MICAL2: variants seen among roughly 807,000 people sequenced by gnomAD.
MICAL2 encodes [F-actin]-monooxygenase MICAL2.
MICAL2 carries 77 observed loss-of-function variants against 127.3 expected under a neutral mutation model. The observed-to-expected ratio is 0.60, with a 90% CI of 0.50 to 0.73. MICAL2 has a LOEUF of 0.73. Ranked by LOEUF, MICAL2 falls within the 30% of genes least tolerant of loss-of-function variation. The pLI, the probability that MICAL2 is intolerant of heterozygous loss-of-function variation, is 0.00. For synonymous variants in MICAL2, 570 were observed against 551.1 expected (o/e 1.03, Z -0.48); for missense variants, 1,351 against 1,434.4 (o/e 0.94, Z 0.94).
intron 1 of MICAL2, chr11:12,121,338 C>A (rs1179722785): frequency 6.6e-6 from 1 of 152,350 alleles, no homozygotes; most frequent in Non-Finnish European, 1.5e-5. Flanking sequence ...GCAGGAGTTC[C>A]CTGTCTGTGT....
chr11:12,252,469 T>C (rs1340875012), intron 22 of MICAL2: 5 of 152,262 alleles, frequency 3.3e-5, no homozygotes, highest in African/African-American at 1.2e-4. Context: ...TGCATCCATG[T>C]CCTCTGCAGG....
intron 1 of MICAL2, among the ~76,000 whole-genome samples, chr11:12,114,114 A>G (rs535017390): frequency 6.6e-6 from 1 of 152,208 alleles, no homozygotes; most frequent in Non-Finnish European, 1.5e-5. Context: ...AATCAGCCCC[A>G]TATACTCATT....
At chr11:12,334,543 T>C (rs1158548819) in intron 32 of MICAL2, among the ~76,000 whole-genome samples, 6 of 151,792 alleles carry the variant, frequency 4.0e-5, no homozygotes, top group Non-Finnish European at 8.8e-5. Context: ...GTTGGTGTGC[T>C]GCACCCATTA....
chr11:12,267,595 C>T (rs75510303), downstream of MICAL2, among the ~76,000 whole-genome samples: 50 of 152,104 alleles, frequency 3.3e-4, no homozygotes, highest in East Asian at 6.8e-3. Flanking sequence ...ACAAAACAGC[C>T]GGATTATCCT....
At chr11:12,261,346 G>A in intron 26 of MICAL2, 1 of 985,514 alleles carries the variant, frequency 1.0e-6, no homozygotes, top group Non-Finnish European at 1.2e-6. Context: ...GGCTGGGAGT[G>A]GAAGCTATTT....
intron 29 of MICAL2, among the ~76,000 whole-genome samples, chr11:12,319,344 G>A (rs1238024351): frequency 6.6e-6 from 1 of 151,608 alleles, no homozygotes; most frequent in African/African-American, 2.4e-5. Flanking sequence ...CTTCAGACAT[G>A]CATTTTAATA....
chr11:12,111,259 C>T lies in MICAL2; in HGVS notation c.-149+533C>T, dbSNP rs189777810. On this transcript the variant is annotated intron_variant, in intron 1 of 27. Transcript: ENST00000683283. Reference sequence around the variant, plus strand: ...GGCCTGGCTGGCCGCGGGCTGGAGCCCAGTCGGGATGGGGTCGTGGCAGTG... The same window carrying T: ...GGCCTGGCTGGCCGCGGGCTGGAGCTCAGTCGGGATGGGGTCGTGGCAGTG... Among the ~76,000 whole-genome samples, 482 of 152,222 alleles carry T rather than the reference C, an allele frequency of 3.2e-3. 1 individual carries two copies. The highest frequency in any genetic ancestry group is 0.011 in the African/African-American group (458 of 41,548).
intron 2 of MICAL2, among the ~76,000 whole-genome samples, chr11:12,139,313 A>T (rs776382196): frequency 4.6e-5 from 7 of 152,216 alleles, no homozygotes; most frequent in Admixed American, 1.3e-4. Flanking sequence ...GAAAGCCATG[A>T]GTCAGAGGGA....
At chr11:12,158,754 G>A (rs1854464045) in intron 2 of MICAL2, among the ~76,000 whole-genome samples, 1 of 152,172 alleles carries the variant, frequency 6.6e-6, no homozygotes, top group South Asian at 2.1e-4. Context: ...AATCTCCCAT[G>A]GTTACTGAGG....
chr11:12,117,550 G>C (rs541232941), intron 1 of MICAL2, among the ~76,000 whole-genome samples: 1 of 152,256 alleles, frequency 6.6e-6, no homozygotes, highest in Non-Finnish European at 1.5e-5. Flanking sequence ...GTTGGAGCCA[G>C]GATAATGAGG....
intron 14 of MICAL2, among the ~76,000 whole-genome samples, chr11:12,226,629 G>GT (rs201075541): frequency 2.1e-5 from 3 of 140,490 alleles, no homozygotes; most frequent in Admixed American, 7.1e-5. Context: ...CCTTGTTTTT[G>GT]TTTTTTTGTT....
downstream of MICAL2, among the ~76,000 whole-genome samples, chr11:12,293,222 G>A (rs905674143): frequency 1.3e-5 from 2 of 152,076 alleles, no homozygotes; most frequent in Non-Finnish European, 2.9e-5. Context: ...ACCCACAGAG[G>A]CCCAGCCAGT....
Position 12,192,058 on chromosome 11 carries a change from C to T in MICAL2, c.265-12192C>T, listed in dbSNP as rs374716206. 7.3e-3 allele frequency among the ~76,000 whole-genome samples: 1,102 copies of T among 151,968 alleles called. 11 individuals are homozygous for T. The highest frequency in any genetic ancestry group is 0.025 in the African/African-American group (1,030 of 41,370). On this transcript the variant is annotated intron_variant, in intron 3 of 27. Coordinates refer to ENST00000683283, the MANE Select transcript of MICAL2 (RefSeq NM_001282663.2). Reference sequence around the variant, plus strand: ...TGGAACCCCCACCCCCACCCCCGCCCGCCACCCAAAACCCACCAAGGGCAA... The same window carrying T: ...TGGAACCCCCACCCCCACCCCCGCCTGCCACCCAAAACCCACCAAGGGCAA...
At chr11:12,246,106 C>G (rs1283021114) in intron 21 of MICAL2, among the ~76,000 whole-genome samples, 2 of 152,250 alleles carry the variant, frequency 1.3e-5, no homozygotes. Flanking sequence ...AAGAAAAGCT[C>G]CTACACTTCC....
At chr11:12,279,430 G>A (rs1425701144) in intron 1 of MICAL2, among the ~76,000 whole-genome samples, 1 of 152,154 alleles carries the variant, frequency 6.6e-6, no homozygotes. Context: ...ATAGGCTTGA[G>A]CATCCCACAG....
At chr11:12,227,191 C>T (rs1261026928) in intron 15 of MICAL2, 60 bp downstream of exon 15, 15 of 1,208,272 alleles carry the variant, frequency 1.2e-5, no homozygotes, top group African/African-American at 3.0e-5. Context: ...GTATGAGGAA[C>T]GGAGATTGTC....
At chr11:12,269,987 T>C (rs1863656810) in intron 24 of MICAL2, among the ~76,000 whole-genome samples, 1 of 152,218 alleles carries the variant, frequency 6.6e-6, no homozygotes, top group African/African-American at 2.4e-5. Context: ...GACTGCACCC[T>C]GAGGGGTCAC....
Position 12,242,284 on chromosome 11 carries a change from T to G in MICAL2, c.2408T>G (p.Leu803Arg). The G allele has an allele frequency of 1.2e-6, 2 of 1,614,086 alleles. No homozygotes were observed. ...CAAGTGTCTGCTGGCAGTGAGTGCC[T>G]GAGCAGACCTTGGAGAGCCAGAGCC... is the stretch of plus-strand genomic sequence containing the variant. The part of the protein sequence containing the change: ...LKQVSAGSEC[L>R]SRPWRARAKS... Residue 803 changes from leucine to arginine, a missense_variant, in exon 19 of 28, where the codon CTG becomes CGG. This residue lies in a region of MICAL2 where 752 missense variants were observed against 719.4 expected (regional missense o/e 1.05). Coordinates refer to ENST00000683283, the MANE Select transcript of MICAL2 (RefSeq NM_001282663.2).
In MICAL2 at chr11:12,258,510, A is replaced by G; in HGVS notation, c.3185A>G (p.Asn1062Ser). 1 of 1,614,208 alleles carries G rather than the reference A, an allele frequency of 6.2e-7. No individual in the cohort carries two copies. The highest frequency in any genetic ancestry group is 8.5e-7 in the Non-Finnish European group (1 of 1,180,036). Residue 1062 changes from asparagine to serine, a missense_variant, in exon 25 of 28, where the codon AAT becomes AGT. Asn to Ser is a conservative substitution (Grantham distance 46, BLOSUM62 1). Coordinates refer to ENST00000683283, the MANE Select transcript of MICAL2 (RefSeq NM_001282663.2). ...CCTCACTTCATTCACTGTAAAACCA[A>G]TAGCAAACAACGGAAGAGACGGGCA... ...CKPHFIHCKT[N>S]SKQRKRRAEL... is the part of the protein sequence containing the mutation.
Sources: gnomAD v4.1 joint callset for allele counts (sites outside exome capture counted in the v4.1 genomes callset) on GRCh38, gnomAD v4.1.1 for gene constraint, gnomAD v4.1.1 regional missense constraint, MANE v1.5 for transcripts, NCBI Gene and HGNC (gene_info 2026-07-23, HGNC 2026-07-21) for gene names.